Variants in AVEN observed in about 807,000 individuals in gnomAD.
AVEN encodes cell death regulator Aven.
Under a neutral mutation model 38.1 loss-of-function variants are expected in AVEN, and 41 were observed. That is an observed-to-expected ratio of 1.08 (90% CI 0.84 to 1.40). The LOEUF is 1.40. Among genes scored for constraint, AVEN ranks in the 40% most tolerant of loss-of-function variants. The probability of loss-of-function intolerance (pLI) is 0.00; values close to 1 mark genes in which losing one functional copy is unlikely to be tolerated. For missense variants in AVEN, 605 were observed against 438.8 expected, an observed-to-expected ratio of 1.38 and a Z score of -3.38; for synonymous variants, 206 against 171.8, an observed-to-expected ratio of 1.20 and a Z score of -1.56.
intron 2 of AVEN, among the ~76,000 whole-genome samples, chr15:33,881,224 G>A (rs1176536508): frequency 6.6e-6 from 1 of 151,354 alleles, no homozygotes; most frequent in East Asian, 1.9e-4. Context: ...CAAGTTTCTG[G>A]GACTACAGGT....
chr15:33,870,646 G>A (rs148304661), intron 4 of AVEN, among the ~76,000 whole-genome samples: 1 of 152,308 alleles, frequency 6.6e-6, no homozygotes, highest in East Asian at 1.9e-4. Context: ...GCCGAACATA[G>A]AGCGTGATGC....
intron 5 of AVEN, among the ~76,000 whole-genome samples, chr15:34,044,546 A>C (rs1899613059): frequency 6.9e-6 from 1 of 144,090 alleles, no homozygotes; most frequent in African/African-American, 2.6e-5. Flanking sequence ...TTATGACAGT[A>C]CTTCCCAGAC....
Position 33,983,361 on chromosome 15 carries a change from C to T in AVEN, c.445+19671G>A, listed in dbSNP as rs1484986450. 3.3e-5 allele frequency among the ~76,000 whole-genome samples: 5 copies of T among 151,720 alleles called. 1 individual carries two copies. Among genetic ancestry groups the T allele is most frequent in the East Asian group, 1.9e-4 (1 of 5,162 alleles). On this transcript the variant is annotated intron_variant, in intron 2 of 5. Transcript: ENST00000306730. ...TTGATGTTTCACCTTGTTTTACAAA[C>T]GTACCCTCATTAACCCCATTCAGTT...
chr15:33,996,297 G>A (rs1896930435), intron 2 of AVEN, among the ~76,000 whole-genome samples: 1 of 152,068 alleles, frequency 6.6e-6, no homozygotes, highest in Non-Finnish European at 1.5e-5. Flanking sequence ...AGACTTAAAC[G>A]TCCCTGTCTG....
intron 2 of AVEN, among the ~76,000 whole-genome samples, chr15:33,984,829 C>A: frequency 6.6e-6 from 1 of 152,116 alleles, no homozygotes. Flanking sequence ...GTAAATCACA[C>A]CCAATAACCA....
rs1555512719 is a variant in AVEN at position 33,983,140 on chromosome 15, G to GTGTGTGTGTGTGTA, written c.445+19891_445+19892insTACACACACACACA. On this transcript the variant is annotated intron_variant, in intron 2 of 5. Transcript: ENST00000306730. ...ATATGTCCATACTCTGTGTGTGTGT[G>GTGTGTGTGTGTGTA]TGTGTGTGTGTGTGTGTGTATGTGT... Among the ~76,000 whole-genome samples, 155 of 118,376 alleles carry GTGTGTGTGTGTGTA rather than the reference G, an allele frequency of 1.3e-3. 1 individual carries two copies. The highest frequency in any genetic ancestry group is 6.6e-3 in the African/African-American group (148 of 22,272). The allele number at this position is 118,376 out of a possible 152,430, so 77.7% of individuals were successfully genotyped here.
chr15:33,895,512 G>C (rs1394687579), intron 2 of AVEN, among the ~76,000 whole-genome samples: 1 of 151,806 alleles, frequency 6.6e-6, no homozygotes, highest in African/African-American at 2.4e-5. Flanking sequence ...TTTTTGAAGA[G>C]ATGAGGTCTC....
At chr15:34,021,576 C>CAT (rs1898202248) in intron 1 of AVEN, among the ~76,000 whole-genome samples, 1 of 152,108 alleles carries the variant, frequency 6.6e-6, no homozygotes, top group Non-Finnish European at 1.5e-5. Context: ...TACACATGGC[C>CAT]GTGTAAGGTG....
At chr15:33,947,385 T>TA (rs1220656442) in intron 2 of AVEN, among the ~76,000 whole-genome samples, 1 of 151,996 alleles carries the variant, frequency 6.6e-6, no homozygotes, top group African/African-American at 2.4e-5. Context: ...ATAGGAAAAG[T>TA]AAAAAACCAT....
chr15:34,053,952 A>C (rs1485106486), intron 5 of AVEN, among the ~76,000 whole-genome samples: 2 of 152,184 alleles, frequency 1.3e-5, no homozygotes, highest in Non-Finnish European at 2.9e-5. Context: ...TAATATCCAG[A>C]ATCTACAAGG....
At chr15:33,897,824 G>T (rs1351162749) in intron 2 of AVEN, among the ~76,000 whole-genome samples, 1 of 152,138 alleles carries the variant, frequency 6.6e-6, no homozygotes. Flanking sequence ...TTAGGTTAAA[G>T]CAAGTTATGA....
chr15:33,986,606 T>C (rs1896481396), intron 2 of AVEN, among the ~76,000 whole-genome samples: 2 of 152,138 alleles, frequency 1.3e-5, no homozygotes, highest in Non-Finnish European at 2.9e-5. Context: ...TTCCTTCATG[T>C]GCAATACACA....
intron 2 of AVEN, among the ~76,000 whole-genome samples, chr15:33,897,071 C>T (rs551506817): frequency 4.6e-5 from 7 of 152,076 alleles, no homozygotes; most frequent in Non-Finnish European, 8.8e-5. Flanking sequence ...ACATAAAAGG[C>T]TACATACTAT....
intron 2 of AVEN, among the ~76,000 whole-genome samples, chr15:33,938,372 G>A (rs377350614): frequency 4.6e-5 from 7 of 152,018 alleles, no homozygotes; most frequent in South Asian, 4.2e-4. Flanking sequence ...GGAGAATGGC[G>A]TGAACCCAGG....
chr15:34,016,827 C>T (rs2140691114), intron 1 of AVEN, among the ~76,000 whole-genome samples: 1 of 152,226 alleles, frequency 6.6e-6, no homozygotes, highest in East Asian at 1.9e-4. Flanking sequence ...CTCAGGTTCA[C>T]CAAAATATCA....
At chr15:34,016,912 A>G (rs1024324289) in intron 1 of AVEN, among the ~76,000 whole-genome samples, 2 of 152,106 alleles carry the variant, frequency 1.3e-5, no homozygotes, top group African/African-American at 4.8e-5. Context: ...GTGGATTACT[A>G]GAGCCCAGGA....
At chr15:34,031,635 A>G (rs1025727694) in intron 1 of AVEN, among the ~76,000 whole-genome samples, 7 of 151,278 alleles carry the variant, frequency 4.6e-5, no homozygotes, top group African/African-American at 1.7e-4. Context: ...TTAATCTCCT[A>G]TTTTTTTTTG....
intron 2 of AVEN, among the ~76,000 whole-genome samples, chr15:33,891,902 A>C (rs2153040654): frequency 6.6e-6 from 1 of 152,160 alleles, no homozygotes; most frequent in Non-Finnish European, 1.5e-5. Flanking sequence ...TTGTTTCCTG[A>C]CTTCTTAATG....
rs143808552 is a variant in AVEN, at chr15:33,876,906, T to G, written c.446-911A>C. Among the ~76,000 whole-genome samples, 442 of 152,180 alleles carry G rather than the reference T, an allele frequency of 2.9e-3. 2 individuals are homozygous for G. Among genetic ancestry groups the G allele is most frequent in the African/African-American group, 0.01 (431 of 41,524 alleles). ...AGAAATTAACCACAAAAGTAAAAGC[T>G]CCCCACATTTTTATAAATTTAATCT... On this transcript the variant is annotated intron_variant, in intron 2 of 5. Coordinates refer to ENST00000306730, the MANE Select transcript of AVEN (RefSeq NM_020371.3).
Sources: allele counts gnomAD v4.1 joint callset (sites outside exome capture counted in the v4.1 genomes callset), GRCh38; gene constraint gnomAD v4.1.1; transcripts MANE v1.5; gene names NCBI Gene and HGNC (gene_info 2026-07-23, HGNC 2026-07-21).